Variants in MRTFB observed in about 807,000 individuals in gnomAD.
The protein encoded by MRTFB is myocardin related transcription factor B.
In MRTFB, 29 loss-of-function variants were observed where a neutral mutation model predicts 104.2. The observed-to-expected ratio is 0.28, with a 90% confidence interval of 0.21 to 0.38. The LOEUF (loss-of-function observed/expected upper bound fraction) is 0.38, where lower values mean the gene tolerates loss of function less well. Among genes scored for constraint, MRTFB ranks in the 10% least tolerant of loss-of-function variants. MRTFB has a pLI of 1.00. For synonymous variants in MRTFB, 535 were observed against 519.5 expected, an observed-to-expected ratio of 1.03 and a Z score of -0.41; for missense variants, 1,270 against 1,341.6, an observed-to-expected ratio of 0.95 and a Z score of 0.83.
rs2041557167 is a variant in MRTFB at position 14,218,942 on chromosome 16, A to G, written c.637A>G (p.Ser213Gly). 6.2e-7 allele frequency: 1 copy of G among 1,614,000 alleles called. No individual in the cohort carries two copies. Among genetic ancestry groups the G allele is most frequent in the African/African-American group, 1.3e-5 (1 of 74,922 alleles). Reference protein sequence around the residue: ...QESQGSAASPSEPKVSESPSP... With the variant: ...QESQGSAASPGEPKVSESPSP... Reference sequence around the variant, plus strand: ...GTCACAGGGGTCAGCCGCGTCCCCAAGTGAGCCAAAAGTTAGTGAATCGCC... The same window carrying G: ...GTCACAGGGGTCAGCCGCGTCCCCAGGTGAGCCAAAAGTTAGTGAATCGCC... Residue 213 changes from serine to glycine, a missense_variant, in exon 8 of 17, where the codon AGT (serine) becomes GGT (glycine). Transcript: ENST00000571589.
intron 3 of MRTFB, among the ~76,000 whole-genome samples, chr16:14,209,628 ACT>A (rs1480668217): frequency 3.9e-5 from 6 of 152,230 alleles, no homozygotes; most frequent in African/African-American, 1.4e-4. Context: ...CTAATAATTT[ACT>A]CTTTTATTAA....
intron 6 of MRTFB, among the ~76,000 whole-genome samples, chr16:14,216,624 G>A (rs1004901250): frequency 2.0e-5 from 3 of 151,752 alleles, no homozygotes; most frequent in African/African-American, 7.3e-5. Flanking sequence ...TATGATGACC[G>A]ACCGAGACAC....
intron 6 of MRTFB, among the ~76,000 whole-genome samples, chr16:14,216,433 A>T (rs907525668): frequency 6.6e-6 from 1 of 152,250 alleles, no homozygotes; most frequent in South Asian, 2.1e-4. Context: ...CACAAGTATG[A>T]CAGAATAAAG....
At chr16:14,209,858 T>C (rs1255156596) in intron 3 of MRTFB, among the ~76,000 whole-genome samples, 2 of 152,238 alleles carry the variant, frequency 1.3e-5, no homozygotes, top group Non-Finnish European at 2.9e-5. Flanking sequence ...GCTATTAATT[T>C]GTTTTTAAAA....
chr16:14,155,339 C>G (rs2038789629), intron 3 of MRTFB, among the ~76,000 whole-genome samples: 1 of 151,806 alleles, frequency 6.6e-6, no homozygotes, highest in Admixed American at 6.6e-5. Context: ...CCATGTTTCT[C>G]CATGTTATAT....
At chr16:14,019,896 G>A in the MRTFB span, among the ~76,000 whole-genome samples, 3,508 of 152,264 alleles carry the variant, frequency 0.023, 126 homozygotes, top group African/African-American at 0.08. Flanking sequence ...AAATAGAAGG[G>A]AAGTGAGGTG....
intron 8 of MRTFB, among the ~76,000 whole-genome samples, chr16:14,222,372 C>A (rs1379953996): frequency 6.6e-6 from 1 of 152,112 alleles, no homozygotes; most frequent in African/African-American, 2.4e-5. Flanking sequence ...TTGAACGCAG[C>A]CCAACACAAA....
upstream of MRTFB, among the ~76,000 whole-genome samples, chr16:14,069,629 C>A (rs2033578809): frequency 6.6e-6 from 1 of 152,204 alleles, no homozygotes; most frequent in African/African-American, 2.4e-5. Flanking sequence ...GAACTCCAGG[C>A]ATGTGCCACC....
chr16:14,088,815 A>G (rs543976408), intron 2 of MRTFB, among the ~76,000 whole-genome samples: 95 of 152,262 alleles, frequency 6.2e-4, no homozygotes, highest in African/African-American at 1.7e-3. Flanking sequence ...TTTTTTCGTG[A>G]GGAAAAAGGA....
rs192481856 is a variant in MRTFB at position 14,222,707 on chromosome 16, C to T, written c.693+3709C>T. On this transcript the variant is annotated intron_variant, in intron 8 of 16. Transcript: ENST00000571589. Reference sequence around the variant, plus strand: ...TTCAAGACCAGCCTGAGCAACATAGCGACACCTTGAACATCAGTGATCATT... The same window carrying T: ...TTCAAGACCAGCCTGAGCAACATAGTGACACCTTGAACATCAGTGATCATT... 3.2e-4 allele frequency among the ~76,000 whole-genome samples: 48 copies of T among 151,278 alleles called. No individual in the cohort carries two copies. In the South Asian group the frequency reaches 9.4e-3, roughly 30 times the overall value.
At chr16:14,233,459 G>A (rs1261889834) in intron 8 of MRTFB, among the ~76,000 whole-genome samples, 1 of 152,062 alleles carries the variant, frequency 6.6e-6, no homozygotes, top group Admixed American at 6.6e-5. Context: ...ATCAGCCAGG[G>A]TCAGCATGAC....
At chr16:14,209,284 C>T (rs1476226164) in intron 3 of MRTFB, among the ~76,000 whole-genome samples, 1 of 152,180 alleles carries the variant, frequency 6.6e-6, no homozygotes. Context: ...AAGAAAGGCA[C>T]ATAAGTAATT....
At chr16:14,006,212 G>A in the MRTFB span, among the ~76,000 whole-genome samples, 28 of 152,082 alleles carry the variant, frequency 1.8e-4, no homozygotes, top group African/African-American at 4.6e-4. Context: ...GCGTGGTGGC[G>A]CATGCCTATA....
chr16:14,192,174 C>A (rs1196784385), intron 3 of MRTFB, among the ~76,000 whole-genome samples: 2 of 151,442 alleles, frequency 1.3e-5, no homozygotes, highest in South Asian at 2.1e-4. Context: ...GAGTTTAAGA[C>A]CAGCCTAGGC....
chr16:14,094,653 G>A (rs530478033), intron 2 of MRTFB, among the ~76,000 whole-genome samples: 10 of 152,134 alleles, frequency 6.6e-5, no homozygotes, highest in African/African-American at 1.4e-4. Context: ...GCAAAATGGC[G>A]TACAGAAATT....
At chr16:14,057,077 C>A in the MRTFB span, among the ~76,000 whole-genome samples, 1 of 152,188 alleles carries the variant, frequency 6.6e-6, no homozygotes, top group African/African-American at 2.4e-5. Context: ...GGAAAGAGAG[C>A]TGAGCTGACA....
intron 2 of MRTFB, among the ~76,000 whole-genome samples, chr16:14,131,634 A>G (rs935166312): frequency 2.0e-5 from 3 of 152,178 alleles, no homozygotes; most frequent in African/African-American, 4.8e-5. Context: ...AAGTCACCCT[A>G]TATAAAAATG....
At position 14,090,282 on chromosome 16, in the gene MRTFB, G is replaced by A. The variant is rs565471064; in HGVS notation, c.-64+10928G>A. Among the ~76,000 whole-genome samples, 17 of 152,270 alleles carry A rather than the reference G, an allele frequency of 1.1e-4. No homozygotes were observed. In the South Asian group the frequency reaches 1.9e-3, roughly 17 times the overall value. ...TTATTAACTATACAATGAGTAAGAG[G>A]TATTAAACATCTTTTGTGTTTTCAG... On this transcript the variant is annotated intron_variant, in intron 2 of 16. Transcript: ENST00000571589.
chr16:14,194,845 T>C (rs1399180771), intron 3 of MRTFB, among the ~76,000 whole-genome samples: 1 of 151,856 alleles, frequency 6.6e-6, no homozygotes, highest in African/African-American at 2.4e-5. Context: ...CCATGTAGGG[T>C]TGTTATGAGG....
Sources: allele counts gnomAD v4.1 joint callset (sites outside exome capture counted in the v4.1 genomes callset), GRCh38; gene constraint gnomAD v4.1.1; transcripts MANE v1.5; gene names NCBI Gene and HGNC (gene_info 2026-07-23, HGNC 2026-07-21).